Variants in PRKAR1A observed in about 807,000 individuals in gnomAD.
The protein encoded by PRKAR1A is cAMP-dependent protein kinase type I-alpha regulatory subunit.
PRKAR1A carries 3 observed loss-of-function variants against 52.0 expected under a neutral mutation model. The ratio of observed to expected loss-of-function variants is 0.06; its 90% CI spans 0.03 to 0.15. PRKAR1A has a LOEUF of 0.15. PRKAR1A is among the 10% of genes least tolerant of loss of function. The pLI, the probability that PRKAR1A is intolerant of heterozygous loss-of-function variation, is 1.00. For synonymous variants in PRKAR1A, 188 were observed against 168.4 expected, an observed-to-expected ratio of 1.12 and a Z score of -0.90; for missense variants, 240 against 477.4, an observed-to-expected ratio of 0.50 and a Z score of 4.63.
chr17:68,501,841 A>G, the PRKAR1A span, among the ~76,000 whole-genome samples: 22 of 152,184 alleles, frequency 1.4e-4, no homozygotes, highest in Admixed American at 4.6e-4. Flanking sequence ...AACTGAACAC[A>G]TTCCAAAATG....
At chr17:68,476,158 T>C in the PRKAR1A span, among the ~76,000 whole-genome samples, 1 of 152,228 alleles carries the variant, frequency 6.6e-6, no homozygotes, top group Non-Finnish European at 1.5e-5. Context: ...ATATTTATAA[T>C]CTACTATAAT....
In PRKAR1A at chr17:68,541,803, G is replaced by T. The variant is rs1183022101; in HGVS notation, c.974-9281G>T. ...GGTATATGGAAGGTTCTTTAGAACT[G>T]AATAAATGAACTAAAGGGGAGAACA... On this transcript the variant is annotated intron_variant, in intron 11 of 11. Coordinates refer to the PRKAR1A transcript ENST00000585981. 2.4e-5 allele frequency: 16 copies of T among 679,228 alleles called. No homozygotes were observed. In the East Asian group the frequency reaches 3.7e-4, roughly 16 times the overall value. The allele number at this position is 679,228 out of a possible 1,614,324, so 42.1% of individuals were successfully genotyped here.
chr17:68,543,952 C>G (rs551990068), intron 11 of PRKAR1A, among the ~76,000 whole-genome samples: 1 of 152,308 alleles, frequency 6.6e-6, no homozygotes, highest in African/African-American at 2.4e-5. Flanking sequence ...CAGGCACCAC[C>G]AATACCAAGT....
the PRKAR1A span, among the ~76,000 whole-genome samples, chr17:68,455,089 T>C: frequency 1.4e-4 from 21 of 152,260 alleles, no homozygotes; most frequent in Admixed American, 2.6e-4. Flanking sequence ...AGGCTGGGCA[T>C]AGTGTGTCAC....
At chr17:68,544,975 A>G (rs2086481363) in intron 11 of PRKAR1A, among the ~76,000 whole-genome samples, 1 of 152,226 alleles carries the variant, frequency 6.6e-6, no homozygotes, top group Non-Finnish European at 1.5e-5. Flanking sequence ...TGCACGTCTC[A>G]TTGCACATTA....
At chr17:68,417,406 T>C in the PRKAR1A span, among the ~76,000 whole-genome samples, 4 of 152,226 alleles carry the variant, frequency 2.6e-5, no homozygotes, top group Non-Finnish European at 4.4e-5. Context: ...CAGTATTTAC[T>C]GTAAGAACTT....
chr17:68,495,930 G>GTTTCC, the PRKAR1A span, among the ~76,000 whole-genome samples: 217 of 133,644 alleles, frequency 1.6e-3, 3 homozygotes, highest in African/African-American at 4.6e-3. Flanking sequence ...CCCTCTCTGC[G>GTTTCC]TTTCCTTTCC....
chr17:68,433,347 A>G, the PRKAR1A span: 1 of 929,256 alleles, frequency 1.1e-6, no homozygotes, highest in African/African-American at 1.6e-5. Flanking sequence ...CACTTAGGTG[A>G]AGTCCCAAGT....
chr17:68,428,697 G>C, the PRKAR1A span: 1 of 680,134 alleles, frequency 1.5e-6, no homozygotes, highest in Non-Finnish European at 2.6e-6. Flanking sequence ...TTGCCCACTA[G>C]AGGTTTGCCA....
In PRKAR1A at chr17:68,540,042, G is replaced by T. The variant is rs956818948; in HGVS notation, c.973+10041G>T. The T allele has an allele frequency of 3.5e-5, 45 of 1,280,400 alleles. No homozygotes were observed. In the African/African-American group the frequency reaches 6.1e-4, roughly 17 times the overall value. The allele number at this position is 1,280,400 out of a possible 1,614,324, so 79.3% of individuals were successfully genotyped here. On this transcript the variant is annotated intron_variant, in intron 11 of 11. Coordinates refer to the PRKAR1A transcript ENST00000585981. ...TGCTCCTGACCTGAGTTCTCTCCAG[G>T]GAACGGAGGCCTGTCATCACTTGAG...
the PRKAR1A span, among the ~76,000 whole-genome samples, chr17:68,454,890 G>C: frequency 1.2e-5 from 1 of 86,152 alleles, no homozygotes; most frequent in African/African-American, 3.4e-5. Context: ...AAATCACAGA[G>C]TGATGTTTTA....
chr17:68,530,174 T>G (rs568479112), intron 10 of PRKAR1A, 103 bp from the exon 11 acceptor site: 2 of 1,520,166 alleles, frequency 1.3e-6, no homozygotes, highest in African/African-American at 2.7e-5. Flanking sequence ...TTAATGAAAT[T>G]ACTGATTGTC....
chr17:68,506,060 C>T, the PRKAR1A span, among the ~76,000 whole-genome samples: 2 of 152,194 alleles, frequency 1.3e-5, no homozygotes, highest in East Asian at 1.9e-4. Flanking sequence ...AAGACATCCA[C>T]GCCCATTCAT....
intron 11 of PRKAR1A, among the ~76,000 whole-genome samples, chr17:68,549,764 G>T (rs1240982058): frequency 6.6e-6 from 1 of 152,092 alleles, no homozygotes; most frequent in African/African-American, 2.4e-5. Context: ...GGTGACTCTT[G>T]TGTTCAGCTG....
At chr17:68,476,632 C>T in the PRKAR1A span, among the ~76,000 whole-genome samples, 1 of 151,094 alleles carries the variant, frequency 6.6e-6, no homozygotes. Flanking sequence ...CCATCCTTCC[C>T]TCTCTCCCTC....
intron 11 of PRKAR1A, chr17:68,540,054 T>A: frequency 8.9e-7 from 1 of 1,124,492 alleles, no homozygotes; most frequent in Non-Finnish European, 1.3e-6. Context: ...AACGGAGGCC[T>A]GTCATCACTT....
chr17:68,448,632 T>A, the PRKAR1A span, among the ~76,000 whole-genome samples: 1 of 152,174 alleles, frequency 6.6e-6, no homozygotes, highest in Non-Finnish European at 1.5e-5. Context: ...AGAGAAATCA[T>A]ACAAGCAAAT....
At chr17:68,419,415 A>C in the PRKAR1A span, among the ~76,000 whole-genome samples, 17 of 152,032 alleles carry the variant, frequency 1.1e-4, no homozygotes, top group Admixed American at 2.6e-4. Flanking sequence ...ATCTCTACTA[A>C]AAATACAAAA....
intron 1 of PRKAR1A, chr17:68,513,091 C>T (rs1382747584): frequency 3.3e-5 from 5 of 150,182 alleles, no homozygotes; most frequent in African/African-American, 4.9e-5. Flanking sequence ...TCCTGAATTT[C>T]CTCTTGTCCC....
Sources: allele counts gnomAD v4.1 joint callset (sites outside exome capture counted in the v4.1 genomes callset), GRCh38; gene constraint gnomAD v4.1.1; transcripts MANE v1.5; gene names NCBI Gene and HGNC (gene_info 2026-07-23, HGNC 2026-07-21).